The following NUP93 variants were observed in gnomAD, a reference collection of about 807,000 sequenced individuals.
NUP93 encodes the protein nuclear pore complex protein Nup93.
Under a neutral mutation model 107.8 loss-of-function variants are expected in NUP93, and 55 were observed. The ratio of observed to expected loss-of-function variants is 0.51; its 90% CI spans 0.41 to 0.64. The LOEUF is 0.64. NUP93 is among the 30% of genes least tolerant of loss of function. The pLI is 0.00. For synonymous variants in NUP93, 390 were observed against 397.5 expected, an observed-to-expected ratio of 0.98 and a Z score of 0.22; for missense variants, 937 against 1,044.7, an observed-to-expected ratio of 0.90 and a Z score of 1.42.
At chr16:56,783,183 G>A (rs1281773291) in intron 3 of NUP93, among the ~76,000 whole-genome samples, 1 of 152,200 alleles carries the variant, frequency 6.6e-6, no homozygotes, top group Non-Finnish European at 1.5e-5. Context: ...CCTAAGGAAT[G>A]TATTTGTATT....
intron 5 of NUP93, among the ~76,000 whole-genome samples, chr16:56,816,786 G>T (rs765307593): frequency 6.6e-6 from 1 of 152,246 alleles, no homozygotes; most frequent in South Asian, 2.1e-4. Flanking sequence ...GGAATTTGCG[G>T]TCTAGTTGAT....
Position 56,832,282 on chromosome 16 carries a change from C to CT in NUP93, c.1252-11dup, listed in dbSNP as rs1489992967. The CT allele has an allele frequency of 6.2e-7, 1 of 1,610,916 alleles. No individual in the cohort carries two copies. The highest frequency in any genetic ancestry group is 1.3e-5 in the African/African-American group (1 of 74,866). The stretch of plus-strand genomic sequence containing the variant: ...CATTTGTACCAATGCATGTGTTTCT[C>CT]TTGGGGATTTAGTTGAACCAAGTGT... On this transcript the variant is annotated splice_polypyrimidine_tract_variant and intron_variant, in intron 11 of 21. Coordinates refer to ENST00000308159, the MANE Select transcript of NUP93 (RefSeq NM_014669.5).
chr16:56,826,514 TAAAAA>T (rs35715417), intron 8 of NUP93, among the ~76,000 whole-genome samples: 1 of 128,214 alleles, frequency 7.8e-6, no homozygotes, highest in African/African-American at 2.9e-5. Flanking sequence ...AGACTCCGTC[TAAAAA>T]AAAAAAAAAA....
At chr16:56,816,859 G>C (rs1036034003) in intron 5 of NUP93, among the ~76,000 whole-genome samples, 1 of 152,154 alleles carries the variant, frequency 6.6e-6, no homozygotes, top group Non-Finnish European at 1.5e-5. Flanking sequence ...CACCAGCAAT[G>C]CTACCCATCG....
At chr16:56,776,560 T>A (rs1962420710) in intron 3 of NUP93, among the ~76,000 whole-genome samples, 1 of 152,216 alleles carries the variant, frequency 6.6e-6, no homozygotes, top group African/African-American at 2.4e-5. Flanking sequence ...AAAATAGAAT[T>A]TGTTTAAAAG....
chr16:56,801,819 A>C (rs1244077734), intron 4 of NUP93, among the ~76,000 whole-genome samples: 2 of 152,170 alleles, frequency 1.3e-5, no homozygotes, highest in Non-Finnish European at 2.9e-5. Flanking sequence ...ATAGTTTTCA[A>C]AGTACTTTCA....
intron 21 of NUP93, among the ~76,000 whole-genome samples, chr16:56,843,479 A>G (rs1228233080): frequency 6.6e-6 from 1 of 152,140 alleles, no homozygotes; most frequent in Non-Finnish European, 1.5e-5. Flanking sequence ...AGGATTAAGT[A>G]AAAGGTTATC....
chr16:56,735,699 G>A (rs1344274083), intron 1 of NUP93, among the ~76,000 whole-genome samples: 4 of 152,010 alleles, frequency 2.6e-5, no homozygotes, highest in East Asian at 1.9e-4. Context: ...ATGGTGGTGC[G>A]TGCCTGTTAT....
At chr16:56,809,957 AAC>A (rs1395682645) in intron 5 of NUP93, among the ~76,000 whole-genome samples, 2 of 152,250 alleles carry the variant, frequency 1.3e-5, no homozygotes, top group Non-Finnish European at 2.9e-5. Context: ...AAATAATTAG[AAC>A]AGCTCATGGT....
At chr16:56,783,565 A>G (rs1265308528) in intron 3 of NUP93, 11 of 985,324 alleles carry the variant, frequency 1.1e-5, no homozygotes, top group Non-Finnish European at 1.3e-5. Flanking sequence ...TCAATTATCC[A>G]CGCCTTGGTA....
At chr16:56,790,044 C>T (rs1043211919) in intron 3 of NUP93, among the ~76,000 whole-genome samples, 3 of 152,098 alleles carry the variant, frequency 2.0e-5, no homozygotes, top group Non-Finnish European at 2.9e-5. Flanking sequence ...TTGCAGTGAA[C>T]CCAGATGGTG....
intron 3 of NUP93, among the ~76,000 whole-genome samples, chr16:56,770,774 C>T (rs1475814549): frequency 1.3e-5 from 2 of 152,002 alleles, no homozygotes; most frequent in African/African-American, 4.8e-5. Flanking sequence ...GTAAAAGTGG[C>T]CCTCATAGGC....
At chr16:56,818,861 A>G (rs1963488591) in intron 6 of NUP93, 123 bp downstream of exon 6, 2 of 742,452 alleles carry the variant, frequency 2.7e-6, no homozygotes, top group South Asian at 3.6e-5. Context: ...TCATTTAGAG[A>G]ACTAGTTAAT....
intron 3 of NUP93, among the ~76,000 whole-genome samples, chr16:56,770,098 CTT>C (rs1962292499): frequency 6.6e-6 from 1 of 152,208 alleles, no homozygotes; most frequent in Non-Finnish European, 1.5e-5. Flanking sequence ...AACTGGTACT[CTT>C]TGGGCTATCT....
In NUP93 at chr16:56,828,779, G is replaced by A. The variant is rs1405309704; in HGVS notation, c.795-198G>A. 2.6e-5 allele frequency among the ~76,000 whole-genome samples: 4 copies of A among 152,202 alleles called. No homozygotes were observed. In the East Asian group the frequency reaches 5.8e-4, roughly 22 times the overall value. ...TTCTTTTGAGTTTCCTCAGTGATGA[G>A]AAATCTACTGTGATCCACAGCCCAC... On this transcript the variant is annotated intron_variant, in intron 8 of 21. Transcript: ENST00000308159.
intron 5 of NUP93, among the ~76,000 whole-genome samples, chr16:56,814,617 C>T (rs184723107): frequency 2.0e-5 from 3 of 152,308 alleles, no homozygotes; most frequent in Non-Finnish European, 4.4e-5. Context: ...CACTTTCGGT[C>T]CCCATCCTGT....
In NUP93 at chr16:56,791,149, C is replaced by T. The variant is rs142478431; in HGVS notation, c.298-7327C>T. Among the ~76,000 whole-genome samples, 34 of 152,206 alleles carry T rather than the reference C, an allele frequency of 2.2e-4. No individual in the cohort carries two copies. The East Asian group carries it at 6.6e-3, about 29-fold the overall frequency. Reference sequence around the variant, plus strand: ...AATGTTCAGCCTGCTGTAGATGCCTCACTTTTACATTTTGATATGGTGGAT... The same window carrying T: ...AATGTTCAGCCTGCTGTAGATGCCTTACTTTTACATTTTGATATGGTGGAT... On this transcript the variant is annotated intron_variant, in intron 3 of 21. Coordinates refer to ENST00000308159, the MANE Select transcript of NUP93 (RefSeq NM_014669.5).
rs1596853544 is a variant in NUP93, at chr16:56,831,506, G to A, written c.1086-336G>A. The A allele has an allele frequency of 1.4e-5, 3 of 207,796 alleles. No homozygotes were observed. In the South Asian group the frequency reaches 2.7e-4, roughly 19 times the overall value. The allele number at this position is 207,796 out of a possible 1,614,324, so 12.9% of individuals were successfully genotyped here. On this transcript the variant is annotated intron_variant, in intron 10 of 21. Coordinates refer to ENST00000308159, the MANE Select transcript of NUP93 (RefSeq NM_014669.5). ...AAGGGAGTGTGGAGGCCAGGGAGGG[G>A]CTAAGACAGTTAAGGGAAGGATTCA... is the stretch of plus-strand genomic sequence containing the variant.
At chr16:56,837,800 TG>T in intron 18 of NUP93, 74 bp downstream of exon 18, 2 of 1,078,676 alleles carry the variant, frequency 1.9e-6, no homozygotes, top group South Asian at 2.6e-5. Flanking sequence ...CCCACCCAAA[TG>T]CATGTTCAGC....
Sources: gnomAD v4.1 joint callset for allele counts (sites outside exome capture counted in the v4.1 genomes callset) on GRCh38, gnomAD v4.1.1 for gene constraint, MANE v1.5 for transcripts, NCBI Gene and HGNC (gene_info 2026-07-23, HGNC 2026-07-21) for gene names.